The following ROBO2 variants were observed in gnomAD, a reference collection of about 807,000 sequenced individuals.
ROBO2 encodes the protein roundabout guidance receptor 2, also known as roundabout homolog 2.
ROBO2 carries 53 observed loss-of-function variants against 160.8 expected under a neutral mutation model. That is an observed-to-expected ratio of 0.33 (90% CI 0.26 to 0.41). The LOEUF is 0.41. Among genes scored for constraint, ROBO2 ranks in the 10% least tolerant of loss-of-function variants. The probability of loss-of-function intolerance (pLI) is 1.00; values close to 1 mark genes in which losing one functional copy is unlikely to be tolerated. For synonymous variants in ROBO2, 664 were observed against 611.7 expected (o/e 1.09, Z -1.26); for missense variants, 1,577 against 1,722.4 (o/e 0.92, Z 1.49).
intron 2 of ROBO2, among the ~76,000 whole-genome samples, chr3:76,626,755 T>G (rs1197961484): frequency 6.6e-6 from 1 of 152,048 alleles, no homozygotes; most frequent in Non-Finnish European, 1.5e-5. Flanking sequence ...TGCAGTGGCG[T>G]GATCTCTGCT....
chr3:76,629,075 A>G (rs764013045), intron 2 of ROBO2, among the ~76,000 whole-genome samples: 1 of 152,148 alleles, frequency 6.6e-6, no homozygotes, highest in Non-Finnish European at 1.5e-5. Flanking sequence ...TTCCCTTGAA[A>G]CCAACATCAC....
chr3:76,215,280 C>A (rs1214690174), intron 2 of ROBO2, among the ~76,000 whole-genome samples: 1 of 152,172 alleles, frequency 6.6e-6, no homozygotes, highest in African/African-American at 2.4e-5. Context: ...GAATGCAGCT[C>A]ATCACCAGCA....
rs375816320 is a variant in ROBO2, at chr3:76,703,527, C to G, written c.110-394487C>G. ...CTCTCCCTCCCCTTTCCCCCACCCCCGACAGGCTCCAGTGTGTGATGTTCC... is the reference window on the plus strand; with the variant it reads ...CTCTCCCTCCCCTTTCCCCCACCCCGGACAGGCTCCAGTGTGTGATGTTCC... On this transcript the variant is annotated intron_variant, in intron 2 of 26. Coordinates refer to the ROBO2 transcript ENST00000487694. Among the ~76,000 whole-genome samples the G allele has an allele frequency of 8.6e-5, 13 of 152,046 alleles. No homozygotes were observed. The South Asian group carries it at 2.3e-3, about 27-fold the overall frequency.
intron 2 of ROBO2, among the ~76,000 whole-genome samples, chr3:77,340,724 A>G (rs1342315382): frequency 6.6e-6 from 1 of 152,104 alleles, no homozygotes; most frequent in East Asian, 1.9e-4. Flanking sequence ...GCTTGGTCAT[A>G]TTTTGCCCAT....
rs540418536 is a variant in ROBO2 at position 77,149,191 on chromosome 3, C to G, written c.388+50851C>G. 4.2e-4 allele frequency among the ~76,000 whole-genome samples: 63 copies of G among 151,136 alleles called. No individual in the cohort carries two copies. The South Asian group carries it at 9.5e-3, about 23-fold the overall frequency. ...CTGGGACAACAGGTGCACGCCACCACGCCTGGCTAATTTTTTGTATTTTTT... is the reference window on the plus strand; with the variant it reads ...CTGGGACAACAGGTGCACGCCACCAGGCCTGGCTAATTTTTTGTATTTTTT... On this transcript the variant is annotated intron_variant, in intron 2 of 25. Transcript: ENST00000461745.
chr3:76,643,612 G>C (rs767588497), intron 2 of ROBO2, among the ~76,000 whole-genome samples: 1 of 152,108 alleles, frequency 6.6e-6, no homozygotes, highest in Non-Finnish European at 1.5e-5. Context: ...GCAAAAGTAT[G>C]TTTGTGTTAT....
intron 2 of ROBO2, among the ~76,000 whole-genome samples, chr3:76,997,017 G>T (rs2061052297): frequency 1.3e-5 from 2 of 152,082 alleles, no homozygotes; most frequent in Admixed American, 1.3e-4. Context: ...GACATAATTA[G>T]TGTGTGCTAG....
chr3:77,323,050 A>AATATATTATATTATGGATAATC (rs2064969406), intron 2 of ROBO2, among the ~76,000 whole-genome samples: 1 of 30,818 alleles, frequency 3.2e-5, no homozygotes, highest in African/African-American at 1.1e-4. Context: ...TATGGATAAT[A>AATATATTATATTATGGATAATC]TAATATATTA....
At chr3:77,539,897 A>G (rs528469636) in intron 6 of ROBO2, among the ~76,000 whole-genome samples, 229 of 152,208 alleles carry the variant, frequency 1.5e-3, no homozygotes, top group Non-Finnish European at 2.2e-3. Context: ...GGACCAAAGG[A>G]TAATTGATAT....
At chr3:77,177,101 C>A (rs1359169546) in intron 2 of ROBO2, among the ~76,000 whole-genome samples, 1 of 151,822 alleles carries the variant, frequency 6.6e-6, no homozygotes, top group African/African-American at 2.4e-5. Context: ...ACTTGTAAAC[C>A]TACAGTTCAC....
chr3:77,060,539 G>A (rs2066193389), intron 1 of ROBO2, among the ~76,000 whole-genome samples: 1 of 152,106 alleles, frequency 6.6e-6, no homozygotes, highest in South Asian at 2.1e-4. Flanking sequence ...TTCAATAAAT[G>A]TCACCTCAAG....
At chr3:76,244,364 A>T (rs2107527402) in intron 2 of ROBO2, among the ~76,000 whole-genome samples, 1 of 152,318 alleles carries the variant, frequency 6.6e-6, no homozygotes, top group South Asian at 2.1e-4. Context: ...AGGAAGAAAC[A>T]GGCACTCACT....
At chr3:77,487,329 C>G (rs542000890) in intron 4 of ROBO2, among the ~76,000 whole-genome samples, 2 of 152,174 alleles carry the variant, frequency 1.3e-5, no homozygotes, top group South Asian at 4.2e-4. Flanking sequence ...AGGCAGAGCC[C>G]CTGCTCTCAC....
At chr3:76,186,397 G>C (rs1241755717) in intron 2 of ROBO2, among the ~76,000 whole-genome samples, 1 of 151,990 alleles carries the variant, frequency 6.6e-6, no homozygotes, top group Non-Finnish European at 1.5e-5. Context: ...CCCTCAATTA[G>C]TGATCAGTTC....
intron 2 of ROBO2, among the ~76,000 whole-genome samples, chr3:76,884,547 C>T (rs1465919569): frequency 1.3e-5 from 2 of 152,156 alleles, no homozygotes; most frequent in Non-Finnish European, 2.9e-5. Context: ...ACCAGGCAAG[C>T]GTCCCCTAGG....
chr3:77,267,014 G>A (rs2059166522), intron 2 of ROBO2, among the ~76,000 whole-genome samples: 1 of 151,960 alleles, frequency 6.6e-6, no homozygotes, highest in South Asian at 2.1e-4. Context: ...ACTTCTTGTG[G>A]GTTATCGACA....
At position 77,106,280 on chromosome 3, in the gene ROBO2, C is replaced by T. The variant is rs149249930; in HGVS notation, c.388+7940C>T. On this transcript the variant is annotated intron_variant, in intron 2 of 25. Transcript: ENST00000461745. ...CTGGTCTTGAACTCTTGGCCTCAAG[C>T]AATCCTCTCTCATTGGCCTCCCAAA... 2.5e-3 allele frequency among the ~76,000 whole-genome samples: 376 copies of T among 152,142 alleles called. 1 individual carries two copies. The highest frequency in any genetic ancestry group is 8.2e-3 in the African/African-American group (340 of 41,516).
At chr3:77,522,076 A>G (rs1418508327) in intron 5 of ROBO2, among the ~76,000 whole-genome samples, 22 of 151,416 alleles carry the variant, frequency 1.5e-4, no homozygotes, top group Non-Finnish European at 4.4e-5. Context: ...GAATTAAATA[A>G]GAACATATTC....
intron 2 of ROBO2, among the ~76,000 whole-genome samples, chr3:76,655,392 A>C (rs900060824): frequency 1.8e-4 from 22 of 119,226 alleles, no homozygotes; most frequent in African/African-American, 6.3e-4. Flanking sequence ...CAAAAAAAAA[A>C]CTATTTGAAA....
Sources: gnomAD v4.1 joint callset for allele counts (sites outside exome capture counted in the v4.1 genomes callset) on GRCh38, gnomAD v4.1.1 for gene constraint, MANE v1.5 for transcripts, NCBI Gene and HGNC (gene_info 2026-07-23, HGNC 2026-07-21) for gene names.